The following RAB27A variants were observed in gnomAD, a reference collection of about 807,000 sequenced individuals.
The protein encoded by RAB27A is RAB27A, member RAS oncogene family.
A neutral mutation model predicts 20.8 loss-of-function variants in RAB27A; 17 were observed. The ratio of observed to expected loss-of-function variants is 0.82; its 90% CI spans 0.56 to 1.23. RAB27A has a LOEUF of 1.23. RAB27A is among the 50% of genes most tolerant of loss of function. RAB27A has a pLI of 0.00. For missense variants in RAB27A, 277 were observed against 266.7 expected, an observed-to-expected ratio of 1.04 and a Z score of -0.27; for synonymous variants, 85 against 92.8, an observed-to-expected ratio of 0.92 and a Z score of 0.48.
At chr15:55,311,101 C>A (rs919715529) in intron 2 of RAB27A, among the ~76,000 whole-genome samples, 6 of 152,154 alleles carry the variant, frequency 3.9e-5, no homozygotes, top group Admixed American at 6.5e-5. Context: ...TTTCTCTTTC[C>A]TCTGTTGTCA....
At position 55,235,160 on chromosome 15, in the gene RAB27A, T is replaced by C. The variant is rs184566489; in HGVS notation, c.-22-204A>G. Among the ~76,000 whole-genome samples the C allele has an allele frequency of 4.9e-4, 75 of 152,238 alleles. 2 individuals carry two copies. The highest frequency in any genetic ancestry group is 1.7e-3 in the African/African-American group (72 of 41,558). On this transcript the variant is annotated intron_variant, in intron 2 of 6. Coordinates refer to ENST00000336787, the MANE Select transcript of RAB27A (RefSeq NM_183235.3). The stretch of plus-strand genomic sequence containing the variant: ...AGATGAGAAGCTATTGAAATAGTAA[T>C]TAACAGTGTAGTTTTAATTTAACAC...
intron 6 of RAB27A, among the ~76,000 whole-genome samples, chr15:55,210,503 G>C (rs2140914021): frequency 6.7e-6 from 1 of 148,756 alleles, no homozygotes; most frequent in East Asian, 2.0e-4. Context: ...TTGCAGTTTT[G>C]ATTTGCCTTT....
chr15:55,216,930 T>C (rs539465719), intron 6 of RAB27A, among the ~76,000 whole-genome samples: 4 of 152,358 alleles, frequency 2.6e-5, no homozygotes, highest in African/African-American at 9.6e-5. Context: ...ATGATGCTTC[T>C]AGCAGAGCTG....
chr15:55,303,269 G>GC (rs1191466441), intron 2 of RAB27A, among the ~76,000 whole-genome samples: 1 of 102,106 alleles, frequency 9.8e-6, no homozygotes, highest in Non-Finnish European at 1.9e-5. Flanking sequence ...GGGGGGGTCA[G>GC]CCCCCCGCCT....
intron 2 of RAB27A, among the ~76,000 whole-genome samples, chr15:55,240,539 T>C (rs1896438982): frequency 6.6e-6 from 1 of 152,034 alleles, no homozygotes; most frequent in African/African-American, 2.4e-5. Context: ...AGTGAGGGCA[T>C]AAGTAACTGA....
chr15:55,317,310 G>A (rs1034024336), intron 1 of RAB27A: 13 of 160,422 alleles, frequency 8.1e-5, no homozygotes, highest in African/African-American at 2.9e-4. Context: ...GGTATTTGTG[G>A]GTTTTTTTGC....
chr15:55,267,678 A>C (rs1897550238), intron 2 of RAB27A, among the ~76,000 whole-genome samples: 1 of 152,206 alleles, frequency 6.6e-6, no homozygotes, highest in African/African-American at 2.4e-5. Flanking sequence ...AACAAGTTCA[A>C]AGGGAGAAGA....
chr15:55,226,211 C>T (rs1460131837), intron 5 of RAB27A, among the ~76,000 whole-genome samples: 1 of 152,128 alleles, frequency 6.6e-6, no homozygotes, highest in Non-Finnish European at 1.5e-5. Context: ...CCTCTGAACT[C>T]CAGGAAGACA....
At chr15:55,225,778 A>G (rs2099029222) in intron 5 of RAB27A, among the ~76,000 whole-genome samples, 1 of 152,208 alleles carries the variant, frequency 6.6e-6, no homozygotes, top group Non-Finnish European at 1.5e-5. Context: ...TTAATCAGTT[A>G]TTTTAAAAAC....
At chr15:55,209,863 C>CACATATATGCGT (rs1566896184) in intron 6 of RAB27A, among the ~76,000 whole-genome samples, 2 of 18,444 alleles carry the variant, frequency 1.1e-4, no homozygotes, top group African/African-American at 2.5e-4. Flanking sequence ...TGTGTATATA[C>CACATATATGCGT]ATATATACAT....
intron 2 of RAB27A, among the ~76,000 whole-genome samples, chr15:55,264,738 T>C (rs1897399775): frequency 6.6e-6 from 1 of 152,190 alleles, no homozygotes; most frequent in Non-Finnish European, 1.5e-5. Flanking sequence ...CTAGTAAAGC[T>C]TGATGCCACT....
chr15:55,265,897 A>G (rs1264151882), intron 2 of RAB27A, among the ~76,000 whole-genome samples: 1 of 152,224 alleles, frequency 6.6e-6, no homozygotes, highest in Non-Finnish European at 1.5e-5. Flanking sequence ...ACATGGCACT[A>G]AAAAGTTTGT....
chr15:55,291,568 G>A (rs957435109), upstream of RAB27A, among the ~76,000 whole-genome samples: 6 of 138,814 alleles, frequency 4.3e-5, no homozygotes, highest in Non-Finnish European at 9.3e-5. Flanking sequence ...TCATGTTCAT[G>A]TCCAGAGGAA....
intron 1 of RAB27A, among the ~76,000 whole-genome samples, chr15:55,277,319 A>C (rs549182043): frequency 6.6e-6 from 1 of 152,298 alleles, no homozygotes; most frequent in African/African-American, 2.4e-5. Context: ...TTTTTGTAAC[A>C]GCCCTTGTAA....
At chr15:55,308,104 C>T (rs187833917) in intron 2 of RAB27A, among the ~76,000 whole-genome samples, 1 of 152,258 alleles carries the variant, frequency 6.6e-6, no homozygotes, top group East Asian at 1.9e-4. Flanking sequence ...TACTACGGGT[C>T]CTTTTATAAG....
chr15:55,267,897 G>A (rs1318492318), intron 2 of RAB27A, among the ~76,000 whole-genome samples: 2 of 152,112 alleles, frequency 1.3e-5, no homozygotes, highest in African/African-American at 2.4e-5. Flanking sequence ...TCACCAGACC[G>A]TTCCCTTTCT....
rs140796887 is a variant in RAB27A, at chr15:55,245,029, T to G, written c.-22-10073A>C. Among the ~76,000 whole-genome samples the G allele has an allele frequency of 2.7e-3, 408 of 152,182 alleles. 3 individuals are homozygous for G. The highest frequency in any genetic ancestry group is 8.9e-3 in the African/African-American group (370 of 41,522). ...AGACACCAAAAGCAAGGAAGAGAAG[T>G]CACATGGCATGAGGCAGGCTAGAAG... is the stretch of plus-strand genomic sequence containing the variant. On this transcript the variant is annotated intron_variant, in intron 2 of 6. Transcript: ENST00000336787.
intron 2 of RAB27A, among the ~76,000 whole-genome samples, chr15:55,253,683 A>G (rs1409600424): frequency 2.0e-5 from 3 of 152,154 alleles, no homozygotes; most frequent in Non-Finnish European, 2.9e-5. Context: ...GGTTAAGAAC[A>G]TAAGGGCTAA....
chr15:55,291,014 G>A (rs1051869225), upstream of RAB27A, among the ~76,000 whole-genome samples: 1 of 152,188 alleles, frequency 6.6e-6, no homozygotes, highest in African/African-American at 2.4e-5. Context: ...TAGCTTCTCA[G>A]GTGGGTCCAA....
Sources: allele counts gnomAD v4.1 joint callset (sites outside exome capture counted in the v4.1 genomes callset), GRCh38; gene constraint gnomAD v4.1.1; transcripts MANE v1.5; gene names NCBI Gene and HGNC (gene_info 2026-07-23, HGNC 2026-07-21).